Variants in FGF13 observed in about 807,000 individuals in gnomAD.
FGF13 encodes fibroblast growth factor 13, also known as fibroblast growth factor homologous factor 2.
A neutral mutation model predicts 19.5 loss-of-function variants in FGF13; 2 were observed. That is an observed-to-expected ratio of 0.10 (90% CI 0.04 to 0.32). The LOEUF is 0.32. Ranked by LOEUF, FGF13 falls within the 10% of genes least tolerant of loss-of-function variation. The pLI is 1.00. For synonymous variants in FGF13, 72 were observed against 76.9 expected (o/e 0.94, Z 0.33); for missense variants, 113 against 192.7 (o/e 0.59, Z 2.45).
At chrX:138,679,287 G>A (rs190045856) in intron 3 of FGF13, among the ~76,000 whole-genome samples, 5 of 109,200 alleles carry the variant, frequency 4.6e-5, no homozygotes, top group South Asian at 4.1e-4. Context: ...CTATGTTGCC[G>A]AGGCTGGTCT....
In FGF13 at chrX:139,066,348, C is replaced by A. The variant is rs767340331; in HGVS notation, c.-113+137068G>T. Among the ~76,000 whole-genome samples the A allele has an allele frequency of 2.4e-4, 27 of 110,391 alleles. No homozygotes were observed. In the Admixed American group the frequency reaches 2.6e-3, roughly 11 times the overall value. ...AGAGCAGAACTGAAGGCGATAGAGA[C>A]ACAAAAAAACGAATCCAGGAGCTGG... On this transcript the variant is annotated intron_variant, in intron 1 of 2. Coordinates refer to the FGF13 transcript ENST00000421460.
At chrX:138,679,633 A>T (rs1478944516) in intron 3 of FGF13, among the ~76,000 whole-genome samples, 1 of 112,484 alleles carries the variant, frequency 8.9e-6, no homozygotes, top group Non-Finnish European at 1.9e-5. Context: ...TTATGTCTAA[A>T]CATTCAGTGC....
chrX:139,034,626 C>T (rs2092244520), intron 1 of FGF13, among the ~76,000 whole-genome samples: 1 of 111,062 alleles, frequency 9.0e-6, no homozygotes, highest in Admixed American at 9.6e-5. Context: ...GCTTGTTCTT[C>T]TTATGTGACT....
chrX:138,955,033 A>C (rs1025676150), intron 1 of FGF13, among the ~76,000 whole-genome samples: 5 of 111,903 alleles, frequency 4.5e-5, no homozygotes, highest in African/African-American at 1.6e-4. Flanking sequence ...GATCAGAATC[A>C]CCTGGGCGAC....
intron 1 of FGF13, among the ~76,000 whole-genome samples, chrX:138,872,546 T>C (rs1314215023): frequency 8.9e-6 from 1 of 112,313 alleles, no homozygotes; most frequent in Non-Finnish European, 1.9e-5. Flanking sequence ...CTACTCCTTA[T>C]TGAATAAGCC....
chrX:138,904,036 A>T (rs1193577582), intron 1 of FGF13, among the ~76,000 whole-genome samples: 2 of 111,903 alleles, frequency 1.8e-5, no homozygotes, highest in African/African-American at 6.5e-5. Context: ...CTATATATAT[A>T]TTTTAAAGTC....
chrX:138,763,668 G>T (rs1291954887), intron 3 of FGF13, among the ~76,000 whole-genome samples: 1 of 111,789 alleles, frequency 8.9e-6, no homozygotes, highest in Non-Finnish European at 1.9e-5. Context: ...GGATACTAAA[G>T]AGTTGGCATT....
chrX:139,006,920 A>G (rs1163084747), intron 1 of FGF13, among the ~76,000 whole-genome samples: 2 of 111,738 alleles, frequency 1.8e-5, no homozygotes, highest in Non-Finnish European at 3.8e-5. Context: ...GGAAGACAAA[A>G]AGGAAAGAAA....
intron 3 of FGF13, among the ~76,000 whole-genome samples, chrX:138,818,237 C>G (rs2090974531): frequency 9.0e-6 from 1 of 110,777 alleles, no homozygotes; most frequent in African/African-American, 3.3e-5. Flanking sequence ...AATTGTAACC[C>G]AATCATCAAT....
Position 138,875,550 on chromosome X carries a change from C to T in FGF13, c.-112-10900G>A, listed in dbSNP as rs144022470. Among the ~76,000 whole-genome samples the T allele has an allele frequency of 8.4e-3, 944 of 111,918 alleles. 8 individuals are homozygous for T. Among genetic ancestry groups the T allele is most frequent in the African/African-American group, 0.029 (888 of 30,802 alleles). On this transcript the variant is annotated intron_variant, in intron 1 of 2. Coordinates refer to the FGF13 transcript ENST00000421460. ...GTTAACTTGACTGGGCCATGTGGTG[C>T]CCAGATAGTTGGTCAAACATTATTC... is the stretch of plus-strand genomic sequence containing the variant.
chrX:138,920,688 G>C (rs1285949110), intron 1 of FGF13, among the ~76,000 whole-genome samples: 1 of 111,527 alleles, frequency 9.0e-6, no homozygotes, highest in Non-Finnish European at 1.9e-5. Flanking sequence ...CCACAGAGTT[G>C]TATTACTAGT....
At chrX:138,654,584 T>G (rs1431494472) in intron 3 of FGF13, among the ~76,000 whole-genome samples, 1 of 110,921 alleles carries the variant, frequency 9.0e-6, no homozygotes, top group Non-Finnish European at 1.9e-5. Context: ...CTACTAAAAA[T>G]ACAGAAATCA....
intron 1 of FGF13, among the ~76,000 whole-genome samples, chrX:139,080,967 T>C (rs1166300404): frequency 2.7e-5 from 3 of 111,131 alleles, no homozygotes; most frequent in African/African-American, 9.8e-5. Flanking sequence ...ATAACTCCCA[T>C]CTTTAAAAAA....
intron 1 of FGF13, among the ~76,000 whole-genome samples, chrX:138,895,203 T>A (rs2091498072): frequency 8.9e-6 from 1 of 112,101 alleles, no homozygotes; most frequent in Non-Finnish European, 1.9e-5. Context: ...TACAACTTGA[T>A]GATGTGATAT....
At chrX:138,698,835 G>C (rs904456266) in intron 3 of FGF13, among the ~76,000 whole-genome samples, 7 of 111,747 alleles carry the variant, frequency 6.3e-5, no homozygotes, top group African/African-American at 2.3e-4. Flanking sequence ...TTTAGGCTTT[G>C]TGGGCCATAA....
chrX:139,008,156 A>C (rs906620626), intron 1 of FGF13, among the ~76,000 whole-genome samples: 1 of 111,948 alleles, frequency 8.9e-6, no homozygotes, highest in Non-Finnish European at 1.9e-5. Context: ...GCCCTGCCCA[A>C]AGAGAATCTG....
At chrX:138,779,936 G>C (rs2090624533) in intron 3 of FGF13, among the ~76,000 whole-genome samples, 1 of 104,969 alleles carries the variant, frequency 9.5e-6, no homozygotes, top group African/African-American at 3.5e-5. Flanking sequence ...TACCCTCAAA[G>C]GGAAGCCCAT....
intron 3 of FGF13, among the ~76,000 whole-genome samples, chrX:138,760,129 TG>T (rs941618543): frequency 5.4e-5 from 6 of 111,288 alleles, no homozygotes; most frequent in Admixed American, 9.6e-5. Flanking sequence ...AGCTCAAAGA[TG>T]TTTGTGCCAG....
chrX:139,095,435 C>A (rs1023181450), intron 1 of FGF13, among the ~76,000 whole-genome samples: 1 of 111,571 alleles, frequency 9.0e-6, no homozygotes, highest in Non-Finnish European at 1.9e-5. Flanking sequence ...TGGAGCCGGG[C>A]AGAGGTTACT....
Sources: allele counts gnomAD v4.1 joint callset (sites outside exome capture counted in the v4.1 genomes callset), GRCh38; gene constraint gnomAD v4.1.1; transcripts MANE v1.5; gene names NCBI Gene and HGNC (gene_info 2026-07-23, HGNC 2026-07-21).